Variants in DLC1 observed in about 807,000 individuals in gnomAD.
The protein encoded by DLC1 is rho GTPase-activating protein 7.
A neutral mutation model predicts 140.3 loss-of-function variants in DLC1; 54 were observed. That is an observed-to-expected ratio of 0.38 (90% confidence interval 0.31 to 0.48). The LOEUF (loss-of-function observed/expected upper bound fraction) is 0.48, where lower values mean the gene tolerates loss of function less well. DLC1 is among the 20% of genes least tolerant of loss of function. DLC1 has a pLI of 0.96. For missense variants in DLC1, 2,536 were observed against 1,907.0 expected, an observed-to-expected ratio of 1.33 and a Z score of -6.14; for synonymous variants, 986 against 728.1, an observed-to-expected ratio of 1.35 and a Z score of -5.70.
intron 5 of DLC1, among the ~76,000 whole-genome samples, chr8:13,256,399 C>G (rs1290149838): frequency 2.6e-5 from 4 of 152,140 alleles, no homozygotes; most frequent in Non-Finnish European, 5.9e-5. Context: ...ATAAATCATT[C>G]TACTATAAAG....
intron 5 of DLC1, among the ~76,000 whole-genome samples, chr8:13,186,891 C>A (rs1826403101): frequency 6.6e-6 from 1 of 152,176 alleles, no homozygotes; most frequent in Non-Finnish European, 1.5e-5. Flanking sequence ...TGTTAGTTTT[C>A]CTTCTAATAG....
At chr8:13,186,783 T>C (rs1826395450) in intron 5 of DLC1, among the ~76,000 whole-genome samples, 1 of 152,246 alleles carries the variant, frequency 6.6e-6, no homozygotes, top group Non-Finnish European at 1.5e-5. Context: ...CCCACCTTTG[T>C]GGTTTTATCT....
chr8:13,351,252 G>A (rs1372601482), intron 4 of DLC1, among the ~76,000 whole-genome samples: 1 of 152,110 alleles, frequency 6.6e-6, no homozygotes, highest in African/African-American at 2.4e-5. Context: ...TAGACCAAGG[G>A]GAAAAGGATT....
chr8:13,489,826 C>G (rs1463898687), intron 2 of DLC1, among the ~76,000 whole-genome samples: 1 of 152,188 alleles, frequency 6.6e-6, no homozygotes, highest in African/African-American at 2.4e-5. Flanking sequence ...ATAGATTCTA[C>G]TAGAATTTGC....
chr8:13,387,874 G>C (rs1477964086), intron 4 of DLC1, among the ~76,000 whole-genome samples: 1 of 151,904 alleles, frequency 6.6e-6, no homozygotes, highest in Non-Finnish European at 1.5e-5. Context: ...TTCAACACTG[G>C]GTTCCTTCAC....
chr8:13,506,298 T>C (rs1034883113), intron 1 of DLC1, among the ~76,000 whole-genome samples: 2 of 152,168 alleles, frequency 1.3e-5, no homozygotes, highest in East Asian at 1.9e-4. Flanking sequence ...TACACATATA[T>C]ATTGATATAA....
intron 5 of DLC1, among the ~76,000 whole-genome samples, chr8:13,233,477 C>T (rs1829145910): frequency 6.6e-6 from 1 of 151,450 alleles, no homozygotes; most frequent in Non-Finnish European, 1.5e-5. Context: ...GTTTTTTCCC[C>T]AACAGTTAAA....
intron 5 of DLC1, among the ~76,000 whole-genome samples, chr8:13,273,214 G>A: frequency 6.6e-6 from 1 of 152,192 alleles, no homozygotes; most frequent in Non-Finnish European, 1.5e-5. Context: ...CTGCTGACCA[G>A]ATGTCCATGA....
intron 4 of DLC1, among the ~76,000 whole-genome samples, chr8:13,390,250 C>G (rs573406861): frequency 6.6e-6 from 1 of 152,168 alleles, no homozygotes; most frequent in South Asian, 2.1e-4. Flanking sequence ...TGATTCCCCT[C>G]AAAACAAAAG....
intron 1 of DLC1, chr8:13,567,433 A>G (rs1248791093): frequency 3.2e-6 from 5 of 1,552,010 alleles, no homozygotes; most frequent in African/African-American, 1.4e-5. Context: ...CAGCAGACAT[A>G]AAAAGCTGCA....
At chr8:13,225,327 G>T (rs1240742811) in intron 5 of DLC1, among the ~76,000 whole-genome samples, 1 of 152,182 alleles carries the variant, frequency 6.6e-6, no homozygotes, top group Non-Finnish European at 1.5e-5. Context: ...TACATTTGAA[G>T]ATTTCCCAGT....
intron 2 of DLC1, among the ~76,000 whole-genome samples, chr8:13,414,269 A>G (rs1023755302): frequency 2.0e-5 from 3 of 152,200 alleles, no homozygotes. Context: ...TGGTATGAAA[A>G]GATGCCCATA....
chr8:13,367,457 A>G (rs566078644), intron 4 of DLC1, among the ~76,000 whole-genome samples: 1 of 152,300 alleles, frequency 6.6e-6, no homozygotes, highest in South Asian at 2.1e-4. Flanking sequence ...CCAATAGAAG[A>G]AAAGCAAAAA....
intron 1 of DLC1, among the ~76,000 whole-genome samples, chr8:13,573,019 G>T (rs1033972737): frequency 6.6e-6 from 1 of 152,050 alleles, no homozygotes; most frequent in Non-Finnish European, 1.5e-5. Context: ...AATGCCATTG[G>T]ACTTTTGATA....
chr8:13,219,472 G>A (rs1828437133), intron 5 of DLC1, among the ~76,000 whole-genome samples: 1 of 103,806 alleles, frequency 9.6e-6, no homozygotes, highest in Non-Finnish European at 2.1e-5. Context: ...AGAATTGCTG[G>A]GTCATATGAT....
At position 13,552,463 on chromosome 8, in the gene DLC1, A is replaced by G. The variant is rs140984964; in HGVS notation, c.-126+52074T>C. 5.7e-3 allele frequency among the ~76,000 whole-genome samples: 859 copies of G among 151,032 alleles called. 10 individuals are homozygous for G. Among genetic ancestry groups the G allele is most frequent in the African/African-American group, 0.019 (808 of 41,486 alleles). On this transcript the variant is annotated intron_variant, in intron 1 of 1. Coordinates refer to the DLC1 transcript ENST00000631382. The stretch of plus-strand genomic sequence containing the variant: ...GAAAATAAATAAAAATATATATACA[A>G]TAAAAAACTAGAAATTCTATCATTC...
intron 2 of DLC1, among the ~76,000 whole-genome samples, chr8:13,462,067 G>C (rs979005992): frequency 2.0e-5 from 3 of 152,072 alleles, no homozygotes; most frequent in Non-Finnish European, 4.4e-5. Flanking sequence ...CACATTATAG[G>C]AATAGTAGGG....
intron 5 of DLC1, among the ~76,000 whole-genome samples, chr8:13,264,760 A>AT (rs960321016): frequency 3.9e-5 from 6 of 152,140 alleles, no homozygotes; most frequent in South Asian, 2.1e-4. Context: ...ATCTAAAGAT[A>AT]TTTTTTGAGA....
At chr8:13,255,092 T>A (rs1421371909) in intron 5 of DLC1, among the ~76,000 whole-genome samples, 1 of 152,100 alleles carries the variant, frequency 6.6e-6, no homozygotes, top group Admixed American at 6.5e-5. Flanking sequence ...TTCTCCTGCC[T>A]CAGCCTCCCC....
Sources: allele counts gnomAD v4.1 joint callset (sites outside exome capture counted in the v4.1 genomes callset), GRCh38; gene constraint gnomAD v4.1.1; transcripts MANE v1.5; gene names NCBI Gene and HGNC (gene_info 2026-07-23, HGNC 2026-07-21).